FNDC3A: variants seen among roughly 807,000 people sequenced by gnomAD.
FNDC3A encodes the protein fibronectin type III domain containing 3A.
Under a neutral mutation model 148.9 loss-of-function variants are expected in FNDC3A, and 32 were observed. The observed-to-expected ratio is 0.21, with a 90% confidence interval of 0.16 to 0.29. The LOEUF (loss-of-function observed/expected upper bound fraction) is 0.29. Ranked by LOEUF, FNDC3A falls within the 10% of genes least tolerant of loss-of-function variation. The pLI, the probability that FNDC3A is intolerant of heterozygous loss-of-function variation, is 1.00. For synonymous variants in FNDC3A, 472 were observed against 473.6 expected (o/e 1.00, Z 0.04); for missense variants, 1,191 against 1,452.8 (o/e 0.82, Z 2.93).
chr13:49,049,293 G>A (rs1875648398), intron 2 of FNDC3A, among the ~76,000 whole-genome samples: 1 of 152,066 alleles, frequency 6.6e-6, no homozygotes, highest in African/African-American at 2.4e-5. Flanking sequence ...TCCTTCCCTG[G>A]TTTTGGTATT....
chr13:49,181,385 C>T (rs1416344445), intron 14 of FNDC3A, among the ~76,000 whole-genome samples: 1 of 152,226 alleles, frequency 6.6e-6, no homozygotes, highest in Non-Finnish European at 1.5e-5. Flanking sequence ...TGTAAATTCT[C>T]TGGCCCTGCC....
At chr13:49,167,377 A>G in intron 9 of FNDC3A, 74 bp downstream of exon 9, 1 of 806,820 alleles carries the variant, frequency 1.2e-6, no homozygotes, top group Non-Finnish European at 1.9e-6. Flanking sequence ...TATTTTCTTA[A>G]AAATCTAGTA....
At chr13:49,085,547 C>T (rs923651739) in intron 3 of FNDC3A, among the ~76,000 whole-genome samples, 1 of 152,178 alleles carries the variant, frequency 6.6e-6, no homozygotes, top group South Asian at 2.1e-4. Flanking sequence ...ATTAGAAATA[C>T]CTCTGAAATT....
intron 8 of FNDC3A, among the ~76,000 whole-genome samples, chr13:49,165,791 C>T (rs1426200994): frequency 6.6e-6 from 1 of 152,130 alleles, no homozygotes; most frequent in Non-Finnish European, 1.5e-5. Context: ...TCCAAGCAGT[C>T]CATGCTGATG....
chr13:49,051,114 CTT>C (rs1321449245), intron 2 of FNDC3A, among the ~76,000 whole-genome samples: 2 of 152,112 alleles, frequency 1.3e-5, no homozygotes, highest in Non-Finnish European at 2.9e-5. Context: ...CATTCTGTAT[CTT>C]TTAAGTGGAG....
At chr13:49,148,375 G>A (rs1883109799) in intron 8 of FNDC3A, among the ~76,000 whole-genome samples, 1 of 151,980 alleles carries the variant, frequency 6.6e-6, no homozygotes, top group African/African-American at 2.4e-5. Flanking sequence ...AAGCCTTCTT[G>A]TGTTTATTTT....
chr13:49,042,728 G>T (rs553649993), intron 2 of FNDC3A, among the ~76,000 whole-genome samples: 2 of 152,164 alleles, frequency 1.3e-5, no homozygotes, highest in African/African-American at 4.8e-5. Context: ...AGTGAGCTGC[G>T]ATTGTGCCAC....
chr13:49,199,328 A>ATTTTT (rs35601446), intron 23 of FNDC3A, among the ~76,000 whole-genome samples: 3 of 133,154 alleles, frequency 2.3e-5, no homozygotes, highest in East Asian at 2.1e-4. Flanking sequence ...GACCGAAACA[A>ATTTTT]TTTTTTTTTT....
intron 8 of FNDC3A, among the ~76,000 whole-genome samples, chr13:49,158,511 G>A (rs7139819): frequency 0.6 from 91,963 of 152,102 alleles, 28,777 homozygotes; most frequent in Non-Finnish European, 0.68. Context: ...GCTGTAGACC[G>A]GAGCTGTTCC....
In FNDC3A at chr13:49,167,213, C is replaced by T. The variant is rs753256933; in HGVS notation, c.978-31C>T. ...CATTGGTTGAAAATGCTTTATTTAT[C>T]AGACATGATATATTACCCTTTTTTC... On this transcript the variant is annotated intron_variant, in intron 8 of 25. Transcript: ENST00000492622. 3.6e-6 allele frequency: 5 copies of T among 1,408,088 alleles called. No homozygotes were observed. In the Admixed American group the frequency reaches 9.2e-5, roughly 26 times the overall value. 87.2% of individuals were successfully genotyped at this position (1,408,088 alleles called of 1,614,324 possible).
chr13:49,004,564 G>T (rs539452065), intron 1 of FNDC3A, among the ~76,000 whole-genome samples: 2 of 152,080 alleles, frequency 1.3e-5, no homozygotes, highest in African/African-American at 4.8e-5. Context: ...TGAACTTGAA[G>T]ATTCAGAAGA....
chr13:49,008,161 A>G (rs377390775), intron 2 of FNDC3A, among the ~76,000 whole-genome samples: 259 of 152,322 alleles, frequency 1.7e-3, no homozygotes, highest in African/African-American at 6.1e-3. Flanking sequence ...TATCCCAGTC[A>G]GGATTTCAAT....
At chr13:49,120,279 C>A (rs1881247208) in intron 4 of FNDC3A, among the ~76,000 whole-genome samples, 2 of 152,184 alleles carry the variant, frequency 1.3e-5, no homozygotes, top group Admixed American at 1.3e-4. Flanking sequence ...CCTTTACAGA[C>A]AAGCAAATGC....
At chr13:49,115,397 A>AT (rs1174639699) in intron 4 of FNDC3A, among the ~76,000 whole-genome samples, 1 of 152,076 alleles carries the variant, frequency 6.6e-6, no homozygotes, top group African/African-American at 2.4e-5. Flanking sequence ...GGAAATAATC[A>AT]TTTTCTCTCC....
intron 1 of FNDC3A, among the ~76,000 whole-genome samples, chr13:48,982,638 C>T (rs1445035472): frequency 6.6e-6 from 1 of 152,130 alleles, no homozygotes; most frequent in East Asian, 1.9e-4. Flanking sequence ...TTTTAGAAAT[C>T]GAAATCACAA....
intron 13 of FNDC3A, among the ~76,000 whole-genome samples, chr13:49,176,998 A>G (rs1346952124): frequency 2.0e-5 from 3 of 152,116 alleles, no homozygotes; most frequent in African/African-American, 7.2e-5. Flanking sequence ...GAGTTTCGCT[A>G]TGTTGCCTAG....
chr13:49,150,233 C>T lies in FNDC3A; in HGVS notation c.977+4298C>T, dbSNP rs551476215. On this transcript the variant is annotated intron_variant, in intron 8 of 25. Coordinates refer to ENST00000492622, the MANE Select transcript of FNDC3A (RefSeq NM_001079673.2). ...GGACTGTAGGTGTGCACCACTGCAC[C>T]TGGCTGTCTGCTCTGATCTGCACCA... 2.0e-5 allele frequency among the ~76,000 whole-genome samples: 3 copies of T among 151,782 alleles called. No homozygotes were observed. In the South Asian group the frequency reaches 6.2e-4, roughly 32 times the overall value.
At chr13:49,062,053 G>C (rs1286986632) in intron 2 of FNDC3A, among the ~76,000 whole-genome samples, 1 of 151,794 alleles carries the variant, frequency 6.6e-6, no homozygotes, top group Non-Finnish European at 1.5e-5. Flanking sequence ...GGATTGCCAG[G>C]GACAAGAATA....
intron 4 of FNDC3A, among the ~76,000 whole-genome samples, chr13:49,115,194 G>GAATA (rs1491395969): frequency 2.2e-3 from 24 of 10,976 alleles, no homozygotes; most frequent in Non-Finnish European, 3.1e-3. Context: ...GGGGGGGGGG[G>GAATA]AAATAAAAAA....
Sources: gnomAD v4.1 joint callset for allele counts (sites outside exome capture counted in the v4.1 genomes callset) on GRCh38, gnomAD v4.1.1 for gene constraint, MANE v1.5 for transcripts, NCBI Gene and HGNC (gene_info 2026-07-23, HGNC 2026-07-21) for gene names.